OPCML: variants seen among roughly 807,000 people sequenced by gnomAD.
OPCML encodes opioid-binding protein/cell adhesion molecule.
A neutral mutation model predicts 37.8 loss-of-function variants in OPCML; 13 were observed. The ratio of observed to expected loss-of-function variants is 0.34; its 90% confidence interval spans 0.22 to 0.55. OPCML has a LOEUF of 0.55. Ranked by LOEUF, OPCML falls within the 20% of genes least tolerant of loss-of-function variation. The probability of loss-of-function intolerance (pLI) is 0.91; values close to 1 mark genes in which losing one functional copy is unlikely to be tolerated. For synonymous variants in OPCML, 176 were observed against 168.8 expected (o/e 1.04, Z -0.33); for missense variants, 341 against 435.6 (o/e 0.78, Z 1.93).
intron 1 of OPCML, among the ~76,000 whole-genome samples, chr11:133,010,659 T>C (rs1947196659): frequency 1.3e-5 from 2 of 152,112 alleles, no homozygotes; most frequent in Non-Finnish European, 2.9e-5. Context: ...ATGTGTTGAA[T>C]AAAGATATAA....
In OPCML at chr11:132,756,373, G is replaced by A. The variant is rs1366813499; in HGVS notation, c.147-99054C>T. 2.0e-5 allele frequency among the ~76,000 whole-genome samples: 3 copies of A among 152,174 alleles called. No homozygotes were observed. The East Asian group carries it at 5.8e-4, about 29-fold the overall frequency. ...GTATTTCTGAATGCTAAGGTAACAG[G>A]GTTTCTTGGCAGCAAAAACAAACAG... On this transcript the variant is annotated intron_variant, in intron 2 of 7. Coordinates refer to ENST00000524381, the MANE Select transcript of OPCML (RefSeq NM_001012393.5).
chr11:132,709,818 C>T (rs780333962), intron 2 of OPCML, among the ~76,000 whole-genome samples: 8 of 152,288 alleles, frequency 5.3e-5, no homozygotes, highest in Non-Finnish European at 1.0e-4. Context: ...GATTGATACG[C>T]GTCAGAGGGG....
chr11:133,059,964 C>A (rs541239615), intron 1 of OPCML, among the ~76,000 whole-genome samples: 3 of 152,182 alleles, frequency 2.0e-5, no homozygotes, highest in Non-Finnish European at 2.9e-5. Flanking sequence ...ATCTTTACAG[C>A]TGTTGATACT....
intron 1 of OPCML, among the ~76,000 whole-genome samples, chr11:133,029,646 A>G (rs1352574683): frequency 6.6e-6 from 1 of 152,150 alleles, no homozygotes; most frequent in African/African-American, 2.4e-5. Flanking sequence ...ACATGTTCTC[A>G]CTTGTAAGTG....
intron 2 of OPCML, among the ~76,000 whole-genome samples, chr11:132,694,327 T>C (rs1591739764): frequency 6.6e-6 from 1 of 151,236 alleles, no homozygotes; most frequent in South Asian, 2.1e-4. Flanking sequence ...GCCTCCCAAA[T>C]AGCTGGGACT....
intron 2 of OPCML, among the ~76,000 whole-genome samples, chr11:132,869,456 C>T (rs1374934731): frequency 6.6e-6 from 1 of 152,026 alleles, no homozygotes; most frequent in Admixed American, 6.5e-5. Context: ...GGGTAAATAT[C>T]GAACACCTAC....
intron 1 of OPCML, among the ~76,000 whole-genome samples, chr11:133,031,229 TGATGGGTGGATA>T (rs1429517600): frequency 6.6e-6 from 1 of 150,680 alleles, no homozygotes; most frequent in Admixed American, 6.6e-5. Flanking sequence ...ATGGATGCAT[TGATGGGTGGATA>T]GATGGGTGGA....
intron 1 of OPCML, among the ~76,000 whole-genome samples, chr11:132,946,143 C>G (rs1945741137): frequency 6.6e-6 from 1 of 152,162 alleles, no homozygotes; most frequent in Admixed American, 6.5e-5. Flanking sequence ...CCTAGGCCTA[C>G]ATGGAGTCAG....
intron 3 of OPCML, among the ~76,000 whole-genome samples, chr11:132,639,422 T>C (rs1235616695): frequency 6.6e-6 from 1 of 152,114 alleles, no homozygotes; most frequent in Non-Finnish European, 1.5e-5. Flanking sequence ...TGCTGGATGG[T>C]TGTAGATTTA....
In OPCML at chr11:132,614,602, T is replaced by C. The variant is rs369628119; in HGVS notation, c.379+42485A>G. 4.6e-5 allele frequency among the ~76,000 whole-genome samples: 7 copies of C among 152,202 alleles called. No homozygotes were observed. In the East Asian group the frequency reaches 1.3e-3, roughly 29 times the overall value. ...TGTAGGACAAGGTCTACCCGAAATG[T>C]AGAATCTTGAAAACATAGGGGAATG... On this transcript the variant is annotated intron_variant, in intron 3 of 7. Transcript: ENST00000524381.
chr11:133,291,081 G>A (rs1942459836), intron 1 of OPCML, among the ~76,000 whole-genome samples: 1 of 152,210 alleles, frequency 6.6e-6, no homozygotes, highest in Non-Finnish European at 1.5e-5. Context: ...TCGCTTGCAT[G>A]TAACACCAAC....
At chr11:133,215,777 C>T (rs1939559556) in intron 1 of OPCML, among the ~76,000 whole-genome samples, 1 of 152,126 alleles carries the variant, frequency 6.6e-6, no homozygotes, top group South Asian at 2.1e-4. Flanking sequence ...TGCAGTGTGG[C>T]CAGCCAGCCC....
In OPCML at chr11:133,042,120, C is replaced by T. The variant is rs1009636038; in HGVS notation, c.62-99110G>A. Among the ~76,000 whole-genome samples the T allele has an allele frequency of 5.9e-5, 9 of 152,086 alleles. No individual in the cohort carries two copies. In the South Asian group the frequency reaches 6.2e-4, roughly 11 times the overall value. On this transcript the variant is annotated intron_variant, in intron 1 of 7. Coordinates refer to ENST00000524381, the MANE Select transcript of OPCML (RefSeq NM_001012393.5). ...ATTAGGCCCACAGTCACATGTGACA[C>T]GGAAACGCAATGAGGCCCCGGCTCC...
intron 2 of OPCML, among the ~76,000 whole-genome samples, chr11:132,754,125 A>G (rs998339593): frequency 2.6e-5 from 4 of 152,202 alleles, no homozygotes; most frequent in African/African-American, 7.2e-5. Flanking sequence ...GAGCAGGTAG[A>G]AAGTCAGCCC....
chr11:132,894,312 C>T (rs55764239), intron 2 of OPCML, among the ~76,000 whole-genome samples: 7,986 of 152,262 alleles, frequency 0.052, 273 homozygotes, highest in Non-Finnish European at 0.082. Context: ...CAACCTTGCT[C>T]TCCAGCTAAC....
rs192738733 is a variant in OPCML at position 133,174,808 on chromosome 11, C to A, written c.62-231798G>T. Among the ~76,000 whole-genome samples, 1 of 152,116 alleles carries A rather than the reference C, an allele frequency of 6.6e-6. No homozygotes were observed. The highest frequency in any genetic ancestry group is 1.5e-5 in the Non-Finnish European group (1 of 68,032). On this transcript the variant is annotated intron_variant, in intron 1 of 7. Coordinates refer to ENST00000524381, the MANE Select transcript of OPCML (RefSeq NM_001012393.5). This position sits in a 1 kb window ranked among gnomAD's most constrained non-coding sequence, Gnocchi z 4.6. ...ATTCATTTATGATGAGTGTATACTT[C>A]GTGTGCACTAGAAAAAGAGTACTTT...
At chr11:133,076,176 C>T (rs10750529) in intron 1 of OPCML, among the ~76,000 whole-genome samples, 88,583 of 151,938 alleles carry the variant, frequency 0.58, 27,368 homozygotes, top group African/African-American at 0.79. Context: ...TTTTGTACTT[C>T]ATTTACTTAA....
intron 1 of OPCML, among the ~76,000 whole-genome samples, chr11:133,237,076 G>A (rs760670640): frequency 6.6e-6 from 1 of 152,184 alleles, no homozygotes; most frequent in Non-Finnish European, 1.5e-5. Flanking sequence ...CATGGGGAAG[G>A]AGTCCTCTGC....
intron 1 of OPCML, among the ~76,000 whole-genome samples, chr11:133,287,649 C>A (rs1942341583): frequency 6.6e-6 from 1 of 151,942 alleles, no homozygotes; most frequent in Admixed American, 6.6e-5. Context: ...GGGGCAGGGG[C>A]TCCCAGCAGA....
Sources: gnomAD v4.1 joint callset for allele counts (sites outside exome capture counted in the v4.1 genomes callset) on GRCh38, gnomAD v4.1.1 for gene constraint, Gnocchi (gnomAD v3.1) non-coding constraint, MANE v1.5 for transcripts, NCBI Gene and HGNC (gene_info 2026-07-23, HGNC 2026-07-21) for gene names.